The following NTM variants were observed in gnomAD, a reference collection of about 807,000 sequenced individuals.
NTM encodes IgLON family member 2.
A neutral mutation model predicts 42.1 loss-of-function variants in NTM; 13 were observed. The observed-to-expected ratio is 0.31, with a 90% CI of 0.20 to 0.49. NTM has a LOEUF of 0.49. NTM is among the 20% of genes least tolerant of loss of function. The probability of loss-of-function intolerance (pLI) is 0.99; values close to 1 mark genes in which losing one functional copy is unlikely to be tolerated. For missense variants in NTM, 373 were observed against 452.8 expected (o/e 0.82, Z 1.60); for synonymous variants, 187 against 179.2 (o/e 1.04, Z -0.35).
chr11:131,824,683 C>T (rs2041921404), intron 1 of NTM, among the ~76,000 whole-genome samples: 1 of 152,110 alleles, frequency 6.6e-6, no homozygotes, highest in Admixed American at 6.5e-5. Context: ...TTGAGTGATA[C>T]ACAATTATGA....
chr11:132,265,078 A>G (rs534548420), intron 4 of NTM, among the ~76,000 whole-genome samples: 1 of 152,236 alleles, frequency 6.6e-6, no homozygotes, highest in Non-Finnish European at 1.5e-5. Context: ...AGGTGAGAGG[A>G]TTAGCTGCAT....
chr11:131,531,207 C>G (rs1409929032), intron 1 of NTM, among the ~76,000 whole-genome samples: 1 of 152,180 alleles, frequency 6.6e-6, no homozygotes, highest in Non-Finnish European at 1.5e-5. Context: ...GTGATTATGG[C>G]TCACTGCAGC....
chr11:131,575,319 C>T (rs2057823875), intron 1 of NTM, among the ~76,000 whole-genome samples: 1 of 152,178 alleles, frequency 6.6e-6, no homozygotes, highest in Non-Finnish European at 1.5e-5. Context: ...TCACATTAAA[C>T]CTTTCTTCCA....
intron 1 of NTM, among the ~76,000 whole-genome samples, chr11:131,736,287 T>C (rs1250267331): frequency 6.6e-6 from 1 of 152,212 alleles, no homozygotes; most frequent in East Asian, 1.9e-4. Flanking sequence ...CAAAATGTCA[T>C]GGAAGTAGTC....
chr11:131,477,702 G>A (rs1212068812), intron 1 of NTM, among the ~76,000 whole-genome samples: 1 of 151,562 alleles, frequency 6.6e-6, no homozygotes, highest in African/African-American at 2.4e-5. Flanking sequence ...CTATTTCCCA[G>A]AGAGATATAT....
chr11:132,261,645 C>T (rs1395225192), intron 4 of NTM, among the ~76,000 whole-genome samples: 2 of 152,178 alleles, frequency 1.3e-5, no homozygotes, highest in East Asian at 3.9e-4. Flanking sequence ...GCACAGAAGG[C>T]CGTGCCAGCA....
chr11:131,916,827 T>C (rs999065075), intron 2 of NTM, among the ~76,000 whole-genome samples: 3 of 152,190 alleles, frequency 2.0e-5, no homozygotes, highest in Admixed American at 6.5e-5. Flanking sequence ...ACTCACTCTG[T>C]TGTGGACACC....
intron 1 of NTM, among the ~76,000 whole-genome samples, chr11:131,844,506 C>T (rs550882866): frequency 2.6e-4 from 39 of 152,244 alleles, no homozygotes; most frequent in Non-Finnish European, 4.0e-4. Flanking sequence ...ACAACATTCT[C>T]TTGATATTGT....
intron 1 of NTM, among the ~76,000 whole-genome samples, chr11:131,433,905 G>A (rs1047015651): frequency 1.3e-5 from 2 of 152,126 alleles, no homozygotes; most frequent in Non-Finnish European, 2.9e-5. Context: ...CCATTAACTC[G>A]TCATTTACAT....
At chr11:132,277,971 T>C (rs972502846) in intron 4 of NTM, among the ~76,000 whole-genome samples, 6 of 152,192 alleles carry the variant, frequency 3.9e-5, no homozygotes, top group Non-Finnish European at 7.3e-5. Context: ...TATTGAGAAC[T>C]CGAAAAATAA....
intron 1 of NTM, among the ~76,000 whole-genome samples, chr11:131,658,602 G>C (rs74845759): frequency 6.6e-6 from 1 of 152,240 alleles, no homozygotes; most frequent in African/African-American, 2.4e-5. Flanking sequence ...CCCCGACTTA[G>C]AGGTTCCTGG....
chr11:132,318,134 AAGG>A (rs747140339), intron 7 of NTM, among the ~76,000 whole-genome samples: 11 of 152,146 alleles, frequency 7.2e-5, no homozygotes, highest in Non-Finnish European at 1.2e-4. Flanking sequence ...AGGTTCTCCA[AAGG>A]AGGAGGATAG....
intron 2 of NTM, among the ~76,000 whole-genome samples, chr11:132,098,478 T>C (rs2061283938): frequency 6.6e-6 from 1 of 152,246 alleles, no homozygotes; most frequent in South Asian, 2.1e-4. Context: ...GCATGCTTCA[T>C]GGGTGGCAGC....
intron 2 of NTM, among the ~76,000 whole-genome samples, chr11:131,969,171 G>T (rs977287229): frequency 6.6e-6 from 1 of 152,116 alleles, no homozygotes; most frequent in African/African-American, 2.4e-5. Context: ...GTTTACCCAG[G>T]TGTCTTTCTG....
At chr11:131,834,039 T>G (rs1352683208) in intron 1 of NTM, among the ~76,000 whole-genome samples, 1 of 152,102 alleles carries the variant, frequency 6.6e-6, no homozygotes, top group Non-Finnish European at 1.5e-5. Flanking sequence ...GAGGTGGAGG[T>G]AGGGAGAACA....
chr11:131,982,479 C>A (rs940746066), intron 2 of NTM, among the ~76,000 whole-genome samples: 2 of 152,056 alleles, frequency 1.3e-5, no homozygotes, highest in African/African-American at 4.8e-5. Flanking sequence ...ACAGACACAG[C>A]TGCTCCTGAA....
At chr11:132,125,799 T>TATGGTG (rs2065713543) in intron 2 of NTM, among the ~76,000 whole-genome samples, 1 of 2,374 alleles carries the variant, frequency 4.2e-4, no homozygotes, top group East Asian at 0.013. Flanking sequence ...GTGTTGTGTA[T>TATGGTG]CTGTGTGTGC....
intron 2 of NTM, among the ~76,000 whole-genome samples, chr11:131,966,133 G>A (rs1462776873): frequency 6.6e-6 from 1 of 152,292 alleles, no homozygotes; most frequent in East Asian, 1.9e-4. Context: ...ATAAAAAAAT[G>A]ACAAAAATTC....
chr11:131,835,081 G>A (rs531568617), intron 1 of NTM, among the ~76,000 whole-genome samples: 1 of 152,206 alleles, frequency 6.6e-6, no homozygotes, highest in Admixed American at 6.5e-5. Context: ...TCCTCATGGG[G>A]CTTACACTCT....
Sources: gnomAD v4.1 joint callset for allele counts (sites outside exome capture counted in the v4.1 genomes callset) on GRCh38, gnomAD v4.1.1 for gene constraint, MANE v1.5 for transcripts, NCBI Gene and HGNC (gene_info 2026-07-23, HGNC 2026-07-21) for gene names.